GMDS: variants seen among roughly 807,000 people sequenced by gnomAD.
GMDS encodes the protein GDP-mannose 4,6-dehydratase.
A neutral mutation model predicts 49.9 loss-of-function variants in GMDS; 20 were observed. The ratio of observed to expected loss-of-function variants is 0.40; its 90% CI spans 0.28 to 0.58. The LOEUF (loss-of-function observed/expected upper bound fraction) is 0.58. GMDS is among the 20% of genes least tolerant of loss of function. The pLI, the probability that GMDS is intolerant of heterozygous loss-of-function variation, is 0.42. For synonymous variants in GMDS, 177 were observed against 178.6 expected (o/e 0.99, Z 0.07); for missense variants, 362 against 481.4 (o/e 0.75, Z 2.32).
intron 7 of GMDS, among the ~76,000 whole-genome samples, chr6:1,815,760 G>A (rs1770636220): frequency 6.6e-6 from 1 of 152,140 alleles, no homozygotes; most frequent in African/African-American, 2.4e-5. Flanking sequence ...AGGAACACAA[G>A]AAGAAGGCCA....
intron 7 of GMDS, among the ~76,000 whole-genome samples, chr6:1,889,337 C>T (rs909901351): frequency 2.0e-5 from 3 of 152,090 alleles, no homozygotes; most frequent in Non-Finnish European, 4.4e-5. Context: ...CCTTCACTTT[C>T]GTTATTCTGT....
chr6:2,021,091 C>T (rs1390080965), intron 4 of GMDS, among the ~76,000 whole-genome samples: 2 of 152,208 alleles, frequency 1.3e-5, no homozygotes, highest in East Asian at 3.8e-4. Context: ...AGCAGGAACT[C>T]CACATCCTGT....
chr6:2,209,472 G>A (rs1779962612), intron 1 of GMDS, among the ~76,000 whole-genome samples: 1 of 152,080 alleles, frequency 6.6e-6, no homozygotes, highest in Non-Finnish European at 1.5e-5. Flanking sequence ...AAGATGCCTT[G>A]ACCACAGTGG....
In GMDS at chr6:2,245,554, C is replaced by T. The variant is rs1356748881; in HGVS notation, c.-132G>A. 53 of 448,446 alleles carry T rather than the reference C, an allele frequency of 1.2e-4. No individual in the cohort carries two copies. The East Asian group carries it at 1.7e-3, about 15-fold the overall frequency. 27.8% of individuals were successfully genotyped at this position (448,446 alleles called of 1,614,324 possible). Reference sequence around the variant, plus strand: ...GCGGGCAGGGAGGGAGAGCGCACCGCGCGACCGGCCGCCACAGTCTGACAG... The same window carrying T: ...GCGGGCAGGGAGGGAGAGCGCACCGTGCGACCGGCCGCCACAGTCTGACAG... On this transcript the variant is annotated 5_prime_UTR_variant, in exon 1 of 11. Transcript: ENST00000380815.
intron 8 of GMDS, among the ~76,000 whole-genome samples, chr6:1,730,149 A>T (rs1362331097): frequency 1.3e-5 from 2 of 152,228 alleles, no homozygotes; most frequent in Admixed American, 6.5e-5. Flanking sequence ...TGGAAGTAGG[A>T]AGCTGCAGGA....
At chr6:1,741,058 A>G (rs1214414968) in intron 8 of GMDS, among the ~76,000 whole-genome samples, 2 of 152,164 alleles carry the variant, frequency 1.3e-5, no homozygotes, top group Non-Finnish European at 2.9e-5. Flanking sequence ...ATTTTAATTG[A>G]CACATTATAA....
At chr6:1,838,198 T>C (rs1757009568) in intron 7 of GMDS, among the ~76,000 whole-genome samples, 1 of 152,198 alleles carries the variant, frequency 6.6e-6, no homozygotes, top group African/African-American at 2.4e-5. Flanking sequence ...CATTACAAAT[T>C]TGCAAACTAA....
chr6:1,996,917 C>T (rs1349107956), intron 4 of GMDS, among the ~76,000 whole-genome samples: 1 of 152,118 alleles, frequency 6.6e-6, no homozygotes, highest in Non-Finnish European at 1.5e-5. Flanking sequence ...AAACAGATTT[C>T]CAACTAAGGA....
Position 1,883,125 on chromosome 6 carries a change from G to A in GMDS, c.771+46978C>T, listed in dbSNP as rs374719578. Among the ~76,000 whole-genome samples the A allele has an allele frequency of 3.5e-4, 53 of 152,226 alleles. No homozygotes were observed. In the South Asian group the frequency reaches 6.2e-3, roughly 18 times the overall value. On this transcript the variant is annotated intron_variant, in intron 7 of 10. Coordinates refer to ENST00000380815, the MANE Select transcript of GMDS (RefSeq NM_001500.4). ...CTTTAAAAATATAATTTTATGGGCC[G>A]GGTGCGGTGGCAATCCCAGCACTTT...
intron 7 of GMDS, among the ~76,000 whole-genome samples, chr6:1,879,961 A>G (rs9405153): frequency 0.95 from 145,007 of 152,206 alleles, 69,248 homozygotes; most frequent in Middle Eastern, 0.99. Context: ...AAGGGAAATT[A>G]ACAAAGATGA....
intron 7 of GMDS, among the ~76,000 whole-genome samples, chr6:1,823,549 T>A (rs1026224406): frequency 6.6e-6 from 1 of 152,176 alleles, no homozygotes; most frequent in Non-Finnish European, 1.5e-5. Context: ...TCCTCCTGCA[T>A]GTGTCCTGAG....
At chr6:1,894,583 A>C (rs1760055675) in intron 7 of GMDS, among the ~76,000 whole-genome samples, 1 of 152,172 alleles carries the variant, frequency 6.6e-6, no homozygotes, top group Non-Finnish European at 1.5e-5. Context: ...TTTTCACCTA[A>C]ATGTGTCTTA....
chr6:1,983,349 C>T (rs758242137), intron 4 of GMDS, among the ~76,000 whole-genome samples: 1 of 152,088 alleles, frequency 6.6e-6, no homozygotes, highest in Non-Finnish European at 1.5e-5. Context: ...GCACCAAAAG[C>T]AATTGCAACA....
rs972304148 is a variant in GMDS, at chr6:2,130,819, A to T, written c.103-6088T>A. On this transcript the variant is annotated intron_variant, in intron 1 of 10. Coordinates refer to ENST00000380815, the MANE Select transcript of GMDS (RefSeq NM_001500.4). The stretch of plus-strand genomic sequence containing the variant: ...AAGAAATGCCCTAAAAGATTAATTT[A>T]AAAAAAAATACTTTCCCCAATGTGA... 1.2e-4 allele frequency among the ~76,000 whole-genome samples: 16 copies of T among 131,446 alleles called. No homozygotes were observed. In the East Asian group the frequency reaches 2.8e-3, roughly 23 times the overall value. The allele number at this position is 131,446 out of a possible 152,430, so 86.2% of individuals were successfully genotyped here.
intron 1 of GMDS, among the ~76,000 whole-genome samples, chr6:2,206,240 A>C (rs1779801856): frequency 6.6e-6 from 1 of 151,994 alleles, no homozygotes. Flanking sequence ...CCTGGGCAAC[A>C]AGAGCAAAAC....
intron 7 of GMDS, among the ~76,000 whole-genome samples, chr6:1,926,253 C>T (rs1762000456): frequency 2.0e-5 from 3 of 152,168 alleles, no homozygotes; most frequent in Admixed American, 1.3e-4. Context: ...TCTAACTGAG[C>T]TAACACAAGC....
At chr6:2,194,237 T>A (rs186828) in intron 1 of GMDS, among the ~76,000 whole-genome samples, 1 of 152,118 alleles carries the variant, frequency 6.6e-6, no homozygotes, top group East Asian at 1.9e-4. Flanking sequence ...GAGTTCTTCT[T>A]GAGTTCAAGG....
At chr6:2,142,197 G>A (rs185606774) in intron 1 of GMDS, among the ~76,000 whole-genome samples, 78 of 152,204 alleles carry the variant, frequency 5.1e-4, no homozygotes, top group South Asian at 1.0e-3. Flanking sequence ...GTTCATATTC[G>A]AAGGAGCTGT....
chr6:2,245,151 G>A (rs531299480), intron 1 of GMDS, among the ~76,000 whole-genome samples, 170 bp downstream of exon 1: 31 of 152,308 alleles, frequency 2.0e-4, no homozygotes, highest in Admixed American at 2.0e-3. Flanking sequence ...CACCCCACAC[G>A]CAACACACTA....
Sources: gnomAD v4.1 joint callset for allele counts (sites outside exome capture counted in the v4.1 genomes callset) on GRCh38, gnomAD v4.1.1 for gene constraint, MANE v1.5 for transcripts, NCBI Gene and HGNC (gene_info 2026-07-23, HGNC 2026-07-21) for gene names.